VCL: variants seen among roughly 807,000 people sequenced by gnomAD.
VCL encodes the protein epididymis luminal protein 114.
Under a neutral mutation model 125.7 loss-of-function variants are expected in VCL, and 47 were observed. The observed-to-expected ratio is 0.37, with a 90% CI of 0.30 to 0.48. The LOEUF (loss-of-function observed/expected upper bound fraction) is 0.48. VCL is among the 20% of genes least tolerant of loss of function. The pLI is 0.99. For synonymous variants in VCL, 458 were observed against 514.6 expected (o/e 0.89, Z 1.49); for missense variants, 1,069 against 1,455.5 (o/e 0.73, Z 4.32).
At chr10:74,045,246 A>T (rs903640251) in intron 2 of VCL, among the ~76,000 whole-genome samples, 1 of 150,050 alleles carries the variant, frequency 6.7e-6, no homozygotes, top group Non-Finnish European at 1.5e-5. Context: ...GGAAATGAAA[A>T]ACAGAGAGAC....
At chr10:74,025,522 G>A (rs1840754642) in intron 1 of VCL, among the ~76,000 whole-genome samples, 1 of 151,744 alleles carries the variant, frequency 6.6e-6, no homozygotes, top group African/African-American at 2.4e-5. Flanking sequence ...GCTGAAGTGG[G>A]AGGATTGATT....
intron 1 of VCL, among the ~76,000 whole-genome samples, chr10:74,017,541 TTTTC>T (rs200985078): frequency 1.6e-3 from 239 of 149,750 alleles, no homozygotes; most frequent in African/African-American, 1.5e-3. Context: ...TGCTGCTGCT[TTTTC>T]TTTCTTTCTT....
At chr10:74,054,913 T>C (rs1841366469) in intron 2 of VCL, among the ~76,000 whole-genome samples, 1 of 151,762 alleles carries the variant, frequency 6.6e-6, no homozygotes, top group African/African-American at 2.4e-5. Flanking sequence ...AGAGCAAGAC[T>C]ATGTCTCAAA....
chr10:74,111,708 C>T (rs1288609811), intron 18 of VCL, among the ~76,000 whole-genome samples: 3 of 152,164 alleles, frequency 2.0e-5, no homozygotes, highest in East Asian at 1.9e-4. Flanking sequence ...TCTCTCACCA[C>T]ACAGTGGCTT....
chr10:74,063,669 C>T (rs1017319200), intron 2 of VCL: 1 of 152,288 alleles, frequency 6.6e-6, no homozygotes, highest in African/African-American at 2.4e-5. Flanking sequence ...AAAACTGATA[C>T]ATTTTGTCAC....
At chr10:74,045,693 G>A (rs1841187297) in intron 2 of VCL, among the ~76,000 whole-genome samples, 1 of 151,606 alleles carries the variant, frequency 6.6e-6, no homozygotes. Context: ...CTATTTATAT[G>A]GTAAAAAGAT....
At chr10:74,013,125 G>A (rs573625194) in intron 1 of VCL, among the ~76,000 whole-genome samples, 1 of 152,186 alleles carries the variant, frequency 6.6e-6, no homozygotes, top group African/African-American at 2.4e-5. Context: ...TAAAGTATTT[G>A]TTCAATAAAC....
At chr10:74,062,522 T>C (rs1290299433) in intron 2 of VCL, among the ~76,000 whole-genome samples, 1 of 152,026 alleles carries the variant, frequency 6.6e-6, no homozygotes. Flanking sequence ...TTTTTGAACA[T>C]GTGGAGTACA....
intron 2 of VCL, among the ~76,000 whole-genome samples, chr10:74,059,098 C>T (rs527431124): frequency 4.6e-5 from 7 of 152,224 alleles, no homozygotes; most frequent in South Asian, 2.1e-4. Flanking sequence ...AGGCCAGGCA[C>T]GGTGGCTCAC....
intron 1 of VCL, among the ~76,000 whole-genome samples, chr10:74,009,271 T>A (rs1591648155): frequency 6.6e-6 from 1 of 151,468 alleles, no homozygotes; most frequent in African/African-American, 2.4e-5. Flanking sequence ...ATTTTTATTT[T>A]TTTTTGAGAC....
At position 74,009,013 on chromosome 10, in the gene VCL, G is replaced by A. The variant is rs545396180; in HGVS notation, c.168+10638G>A. On this transcript the variant is annotated intron_variant, in intron 1 of 21. Transcript: ENST00000211998. The stretch of plus-strand genomic sequence containing the variant: ...ATCCTTAAGAGTTAGCTTTTGGGGG[G>A]GAAAATTCAAGTCTGTAATAAGACT... Among the ~76,000 whole-genome samples the A allele has an allele frequency of 2.6e-5, 4 of 152,128 alleles. No homozygotes were observed. The South Asian group carries it at 8.3e-4, about 32-fold the overall frequency.
At chr10:74,022,499 T>C (rs189900719) in intron 1 of VCL, among the ~76,000 whole-genome samples, 28 of 151,516 alleles carry the variant, frequency 1.8e-4, no homozygotes, top group African/African-American at 5.8e-4. Context: ...TGAGCCAAGA[T>C]TGCGCCATTG....
rs75004405 is a variant in VCL at position 74,006,883 on chromosome 10, G to A, written c.168+8508G>A. ...CTGATCTGAAGCATTTCAGATAAGG[G>A]ATATTTAACCTGTACTTATTTAATT... On this transcript the variant is annotated intron_variant, in intron 1 of 21. Coordinates refer to ENST00000211998, the MANE Select transcript of VCL (RefSeq NM_014000.3). Among the ~76,000 whole-genome samples, 5 of 152,194 alleles carry A rather than the reference G, an allele frequency of 3.3e-5. No homozygotes were observed. In the East Asian group the frequency reaches 9.6e-4, roughly 29 times the overall value.
chr10:74,108,442 G>C (rs1840170862), intron 17 of VCL, among the ~76,000 whole-genome samples: 1 of 151,776 alleles, frequency 6.6e-6, no homozygotes, highest in Non-Finnish European at 1.5e-5. Flanking sequence ...ACTTCCCTGG[G>C]ATGCAACCAA....
At chr10:74,064,980 A>G (rs1184851327) in intron 2 of VCL, among the ~76,000 whole-genome samples, 1 of 152,090 alleles carries the variant, frequency 6.6e-6, no homozygotes, top group Admixed American at 6.6e-5. Context: ...TTGTTAAATA[A>G]ATCACAGTGA....
At chr10:74,089,017 G>C (rs1022825400) in intron 8 of VCL, among the ~76,000 whole-genome samples, 179 bp from the exon 9 acceptor site, 1 of 152,172 alleles carries the variant, frequency 6.6e-6, no homozygotes, top group African/African-American at 2.4e-5. Flanking sequence ...AAAAGAAAAA[G>C]TACTTGATTT....
intron 12 of VCL, among the ~76,000 whole-genome samples, chr10:74,096,315 T>C (rs977260512): frequency 1.3e-5 from 2 of 152,106 alleles, no homozygotes; most frequent in Admixed American, 6.5e-5. Context: ...ATCACGTCAC[T>C]GCACTCCAGC....
chr10:74,089,146 C>A, intron 8 of VCL, 50 bp from the exon 9 acceptor site: 1 of 1,612,038 alleles, frequency 6.2e-7, no homozygotes, highest in South Asian at 1.1e-5. Context: ...AATATTTTGT[C>A]ATTAAGTATT....
intron 1 of VCL, among the ~76,000 whole-genome samples, chr10:73,998,787 C>T (rs1840167327): frequency 6.6e-6 from 1 of 152,222 alleles, no homozygotes; most frequent in South Asian, 2.1e-4. Context: ...TTTAGGCCTC[C>T]TCGATCTGGC....
Sources: gnomAD v4.1 joint callset for allele counts (sites outside exome capture counted in the v4.1 genomes callset) on GRCh38, gnomAD v4.1.1 for gene constraint, MANE v1.5 for transcripts, NCBI Gene and HGNC (gene_info 2026-07-23, HGNC 2026-07-21) for gene names.